LAMA2: variants seen among roughly 807,000 people sequenced by gnomAD.
LAMA2 encodes laminin subunit alpha-2.
A neutral mutation model predicts 364.8 loss-of-function variants in LAMA2; 269 were observed. The ratio of observed to expected loss-of-function variants is 0.74; its 90% CI spans 0.67 to 0.82. The LOEUF (loss-of-function observed/expected upper bound fraction) is 0.82. LAMA2 is among the 40% of genes least tolerant of loss of function. The probability of loss-of-function intolerance (pLI) is 0.00; values close to 1 mark genes in which losing one functional copy is unlikely to be tolerated. For synonymous variants in LAMA2, 1,379 were observed against 1,370.6 expected, an observed-to-expected ratio of 1.01 and a Z score of -0.14; for missense variants, 3,807 against 3,873.2, an observed-to-expected ratio of 0.98 and a Z score of 0.45.
chr6:129,051,624 ATATATAT>A (rs1381857305), intron 2 of LAMA2, among the ~76,000 whole-genome samples: 4 of 148,966 alleles, frequency 2.7e-5, no homozygotes, highest in Non-Finnish European at 5.9e-5. Context: ...TAAAAGGTAG[ATATATAT>A]TATATGTAGA....
At chr6:129,364,982 T>C (rs950954016) in intron 32 of LAMA2, among the ~76,000 whole-genome samples, 2 of 152,164 alleles carry the variant, frequency 1.3e-5, no homozygotes, top group African/African-American at 2.4e-5. Context: ...ATGAGAACTC[T>C]GTCATGAGAA....
chr6:129,378,423 C>G (rs1478886803), intron 34 of LAMA2, among the ~76,000 whole-genome samples: 1 of 152,170 alleles, frequency 6.6e-6, no homozygotes, highest in Non-Finnish European at 1.5e-5. Context: ...GGTGATAGTG[C>G]ATTTGTCATA....
chr6:129,359,641 C>G (rs569334298), intron 32 of LAMA2, among the ~76,000 whole-genome samples: 1 of 152,090 alleles, frequency 6.6e-6, no homozygotes, highest in Admixed American at 6.6e-5. Flanking sequence ...TTAACATACA[C>G]ACATTAACAC....
intron 1 of LAMA2, among the ~76,000 whole-genome samples, chr6:129,013,210 C>T (rs913478382): frequency 4.6e-5 from 7 of 151,942 alleles, no homozygotes; most frequent in South Asian, 2.1e-4. Context: ...CTGAGGCGGG[C>T]GGATCACGAG....
At chr6:129,247,566 TGTAAATGG>T (rs1277593612) in intron 12 of LAMA2, among the ~76,000 whole-genome samples, 1 of 152,214 alleles carries the variant, frequency 6.6e-6, no homozygotes, top group Non-Finnish European at 1.5e-5. Flanking sequence ...TCTAATATTG[TGTAAATGG>T]GTAACTGTGG....
chr6:128,911,465 C>G (rs553224277), intron 1 of LAMA2, among the ~76,000 whole-genome samples: 12 of 152,150 alleles, frequency 7.9e-5, no homozygotes, highest in East Asian at 1.9e-4. Flanking sequence ...TTGCGCTTCC[C>G]GAGTGAGGCA....
At chr6:129,184,289 A>T (rs2115025337) in intron 10 of LAMA2, among the ~76,000 whole-genome samples, 1 of 152,132 alleles carries the variant, frequency 6.6e-6, no homozygotes, top group Admixed American at 6.6e-5. Context: ...TGTACATTTA[A>T]TCCTGAATCT....
chr6:129,315,143 C>G (rs953080682), intron 24 of LAMA2, among the ~76,000 whole-genome samples: 4 of 152,180 alleles, frequency 2.6e-5, no homozygotes, highest in African/African-American at 4.8e-5. Context: ...GGACTTGTCA[C>G]ACATTCATTC....
chr6:129,409,206 G>A (rs1780399883), intron 40 of LAMA2, among the ~76,000 whole-genome samples: 1 of 152,220 alleles, frequency 6.6e-6, no homozygotes, highest in African/African-American at 2.4e-5. Flanking sequence ...GAAAGGGGCT[G>A]TAGTGCTGCA....
chr6:129,006,259 A>T (rs917724443), intron 1 of LAMA2, among the ~76,000 whole-genome samples: 2 of 152,198 alleles, frequency 1.3e-5, no homozygotes, highest in African/African-American at 4.8e-5. Context: ...AACATATACT[A>T]TGTAAAAATG....
intron 12 of LAMA2, among the ~76,000 whole-genome samples, chr6:129,196,510 GA>G (rs1246728550): frequency 6.6e-6 from 1 of 152,108 alleles, no homozygotes; most frequent in Admixed American, 6.6e-5. Flanking sequence ...GTTGAAAGAT[GA>G]ATTCTGTCTT....
chr6:129,437,428 A>C (rs955959387), intron 41 of LAMA2, among the ~76,000 whole-genome samples: 1 of 151,914 alleles, frequency 6.6e-6, no homozygotes, highest in Non-Finnish European at 1.5e-5. Flanking sequence ...TACTCTTACT[A>C]AATACTTGTC....
chr6:129,505,841 T>A (rs1786024765), intron 61 of LAMA2, among the ~76,000 whole-genome samples: 1 of 151,642 alleles, frequency 6.6e-6, no homozygotes, highest in African/African-American at 2.4e-5. Context: ...TGACAGAAGG[T>A]TTTTTAGATA....
chr6:129,159,034 CAT>C, intron 8 of LAMA2: 1 of 1,580,234 alleles, frequency 6.3e-7, no homozygotes, highest in Non-Finnish European at 8.7e-7. Flanking sequence ...TGCCGTGGAG[CAT>C]ACTATCCAGA....
At chr6:129,305,996 G>T (rs1773844146) in intron 22 of LAMA2, among the ~76,000 whole-genome samples, 1 of 151,706 alleles carries the variant, frequency 6.6e-6, no homozygotes, top group African/African-American at 2.4e-5. Flanking sequence ...TTTACATTTA[G>T]CGTAAGAACC....
intron 17 of LAMA2, among the ~76,000 whole-genome samples, chr6:129,276,731 A>T (rs149185765): frequency 4.6e-5 from 7 of 152,302 alleles, no homozygotes; most frequent in East Asian, 1.9e-4. Flanking sequence ...TCAAATGAAC[A>T]TATGTTATAA....
At chr6:128,984,014 C>T (rs1783056841) in intron 1 of LAMA2, among the ~76,000 whole-genome samples, 2 of 152,064 alleles carry the variant, frequency 1.3e-5, no homozygotes, top group Non-Finnish European at 2.9e-5. Flanking sequence ...AAGATTAAGG[C>T]AATCAGAACC....
At chr6:129,453,884 G>C (rs1415142543) in intron 46 of LAMA2, among the ~76,000 whole-genome samples, 2 of 149,486 alleles carry the variant, frequency 1.3e-5, no homozygotes, top group Non-Finnish European at 3.0e-5. Context: ...AAAGGCTTTG[G>C]TCTCAAAATT....
chr6:129,125,012 G>A (rs1347821984), intron 4 of LAMA2, among the ~76,000 whole-genome samples: 1 of 152,202 alleles, frequency 6.6e-6, no homozygotes, highest in Non-Finnish European at 1.5e-5. Flanking sequence ...CATGAAAGTA[G>A]TGAGAAGTGG....
Sources: allele counts gnomAD v4.1 joint callset (sites outside exome capture counted in the v4.1 genomes callset), GRCh38; gene constraint gnomAD v4.1.1; transcripts MANE v1.5; gene names NCBI Gene and HGNC (gene_info 2026-07-23, HGNC 2026-07-21).